Variants in ATXN1 observed in about 807,000 individuals in gnomAD.
The protein encoded by ATXN1 is ataxin 1, also known as ataxin-1.
In ATXN1, 8 loss-of-function variants were observed where a neutral mutation model predicts 56.4. The ratio of observed to expected loss-of-function variants is 0.14; its 90% CI spans 0.08 to 0.26. The LOEUF is 0.26. ATXN1 is among the 10% of genes least tolerant of loss of function. ATXN1 has a pLI of 1.00. For synonymous variants in ATXN1, 514 were observed against 494.6 expected, an observed-to-expected ratio of 1.04 and a Z score of -0.52; for missense variants, 987 against 1,106.5, an observed-to-expected ratio of 0.89 and a Z score of 1.53.
chr6:16,646,845 C>A (rs184245737), intron 3 of ATXN1, among the ~76,000 whole-genome samples: 255 of 152,338 alleles, frequency 1.7e-3, no homozygotes, highest in African/African-American at 5.8e-3. Context: ...ATTCCTAAAC[C>A]AAGTTTGTAG....
At chr6:16,736,852 T>C (rs961204438) in intron 2 of ATXN1, 2 of 152,192 alleles carry the variant, frequency 1.3e-5, no homozygotes, top group Non-Finnish European at 2.9e-5. Context: ...ACATAAAGAT[T>C]TCAAAGTCAA....
At chr6:16,748,344 G>C (rs1213805263) in intron 2 of ATXN1, among the ~76,000 whole-genome samples, 3 of 152,090 alleles carry the variant, frequency 2.0e-5, no homozygotes, top group Non-Finnish European at 2.9e-5. Context: ...TGTTACCTGT[G>C]TCATGGCTCT....
intron 6 of ATXN1, among the ~76,000 whole-genome samples, chr6:16,454,973 C>T (rs1759835429): frequency 6.6e-6 from 1 of 152,050 alleles, no homozygotes; most frequent in African/African-American, 2.4e-5. Flanking sequence ...GCAGTGACCA[C>T]CACTGTTATG....
chr6:16,359,320 C>T (rs1761758979), intron 6 of ATXN1, among the ~76,000 whole-genome samples: 1 of 152,172 alleles, frequency 6.6e-6, no homozygotes, highest in African/African-American at 2.4e-5. Context: ...CATGGCCACC[C>T]ATGGACCAAT....
intron 6 of ATXN1, among the ~76,000 whole-genome samples, chr6:16,359,165 C>T (rs1398072935): frequency 6.6e-6 from 1 of 152,204 alleles, no homozygotes; most frequent in African/African-American, 2.4e-5. Flanking sequence ...TGAATGGCAG[C>T]AGGAGGAAGA....
chr6:16,662,817 G>C (rs1328887006), intron 2 of ATXN1, among the ~76,000 whole-genome samples: 1 of 152,104 alleles, frequency 6.6e-6, no homozygotes, highest in Non-Finnish European at 1.5e-5. Flanking sequence ...TTAACTATTA[G>C]AGAATTTCCA....
chr6:16,753,481 T>C, intron 1 of ATXN1, 134 bp from the exon 2 acceptor site: 1 of 400,138 alleles, frequency 2.5e-6, no homozygotes, highest in Non-Finnish European at 5.0e-6. Flanking sequence ...CGGCATTCTG[T>C]TGTATGAGAA....
chr6:16,346,332 C>T (rs900965539), intron 6 of ATXN1, among the ~76,000 whole-genome samples: 1 of 151,952 alleles, frequency 6.6e-6, no homozygotes, highest in Admixed American at 6.5e-5. Flanking sequence ...AGTGAGCCAC[C>T]GCTTGGGATT....
intron 6 of ATXN1, among the ~76,000 whole-genome samples, chr6:16,391,812 C>T (rs1340819277): frequency 6.6e-6 from 1 of 152,134 alleles, no homozygotes; most frequent in African/African-American, 2.4e-5. Context: ...GGACTCCAGG[C>T]CTCTAATCCC....
intron 6 of ATXN1, among the ~76,000 whole-genome samples, chr6:16,355,593 G>A (rs905216788): frequency 3.4e-5 from 5 of 147,782 alleles, no homozygotes; most frequent in African/African-American, 1.3e-4. Context: ...ACGGAGTCTC[G>A]CTCTGTCGCC....
At chr6:16,627,277 ATGCAGCAAACTCAATGTTACCT>A (rs1475478406) in intron 3 of ATXN1, among the ~76,000 whole-genome samples, 1 of 152,140 alleles carries the variant, frequency 6.6e-6, no homozygotes, top group Non-Finnish European at 1.5e-5. Flanking sequence ...GTATGGTTCT[ATGCAGCAAACTCAATGTTACCT>A]TCTAAGATGT....
chr6:16,481,867 C>T (rs1273293349), intron 6 of ATXN1, among the ~76,000 whole-genome samples: 2 of 152,126 alleles, frequency 1.3e-5, no homozygotes, highest in Admixed American at 6.5e-5. Context: ...GACAAAACCA[C>T]CGCCGTTCAC....
intron 7 of ATXN1, among the ~76,000 whole-genome samples, chr6:16,315,184 C>G (rs1446620176): frequency 6.6e-6 from 1 of 152,138 alleles, no homozygotes; most frequent in African/African-American, 2.4e-5. Flanking sequence ...CCAGACCTCC[C>G]GATGTGCCCC....
chr6:16,604,588 CTTTTTTT>C (rs376581013), intron 3 of ATXN1, among the ~76,000 whole-genome samples: 1 of 132,698 alleles, frequency 7.5e-6, no homozygotes, highest in Non-Finnish European at 1.6e-5. Context: ...TGTTTCTCTT[CTTTTTTT>C]TTTTTTTTTT....
rs1761684056 is a variant in ATXN1, at chr6:16,356,075, T to C, written c.-160-27605A>G. Among the ~76,000 whole-genome samples the C allele has an allele frequency of 2.0e-5, 3 of 152,224 alleles. No homozygotes were observed. The South Asian group carries it at 6.2e-4, about 32-fold the overall frequency. ...CATCGAAGTAAGTAATTTAGACACA[T>C]TGCCTCTAATATTCCTCTTGCTCAC... On this transcript the variant is annotated intron_variant, in intron 6 of 7. Transcript: ENST00000436367.
intron 3 of ATXN1, among the ~76,000 whole-genome samples, chr6:16,620,944 G>C (rs1379679402): frequency 6.6e-6 from 1 of 152,196 alleles, no homozygotes; most frequent in African/African-American, 2.4e-5. Context: ...GACAACCTCA[G>C]CTCTGAACAT....
chr6:16,526,660 G>C (rs1413210810), intron 4 of ATXN1, among the ~76,000 whole-genome samples: 2 of 151,740 alleles, frequency 1.3e-5, no homozygotes, highest in African/African-American at 2.4e-5. Context: ...AGCTACTCGG[G>C]AGGCTGAGGC....
intron 3 of ATXN1, among the ~76,000 whole-genome samples, chr6:16,622,123 G>C (rs1274546038): frequency 6.6e-6 from 1 of 152,192 alleles, no homozygotes; most frequent in Admixed American, 6.5e-5. Context: ...TGTAAGCATG[G>C]GCTCTGCTTC....
chr6:16,483,637 T>TA (rs1760483358), intron 6 of ATXN1, among the ~76,000 whole-genome samples: 1 of 152,248 alleles, frequency 6.6e-6, no homozygotes, highest in Non-Finnish European at 1.5e-5. Flanking sequence ...ACACTCCATT[T>TA]ACAGAAGGAT....
Sources: gnomAD v4.1 joint callset for allele counts (sites outside exome capture counted in the v4.1 genomes callset) on GRCh38, gnomAD v4.1.1 for gene constraint, MANE v1.5 for transcripts, NCBI Gene and HGNC (gene_info 2026-07-23, HGNC 2026-07-21) for gene names.